GNG7: variants seen among roughly 807,000 people sequenced by gnomAD.
The protein encoded by GNG7 is G protein subunit gamma 7.
Under a neutral mutation model 4.0 loss-of-function variants are expected in GNG7, and 1 was observed. The observed-to-expected ratio is 0.25, with a 90% CI of 0.09 to 1.18. GNG7 has a LOEUF of 1.18. Among genes scored for constraint, GNG7 ranks in the 50% most tolerant of loss-of-function variants. GNG7 has a pLI of 0.50. For synonymous variants in GNG7, 34 were observed against 36.9 expected (o/e 0.92, Z 0.29); for missense variants, 86 against 91.9 (o/e 0.94, Z 0.26).
chr19:2,660,966 C>G (rs1485441137), intron 1 of GNG7, among the ~76,000 whole-genome samples: 1 of 152,028 alleles, frequency 6.6e-6, no homozygotes, highest in African/African-American at 2.4e-5. Flanking sequence ...AATCCCAGTA[C>G]TCTGGGAGGC....
rs1044222883 is a variant in GNG7, at chr19:2,617,203, G to A, written c.-78+29021C>T. 6.6e-6 allele frequency among the ~76,000 whole-genome samples: 1 copy of A among 152,298 alleles called. No homozygotes were observed. The highest frequency in any genetic ancestry group is 1.5e-5 in the Non-Finnish European group (1 of 68,006). ...CTGACCCCCACCCACTCCATGCCAG[G>A]AGCATCTCCAGTCGTGACAACCACA... On this transcript the variant is annotated intron_variant, in intron 2 of 4. Transcript: ENST00000382159. The surrounding 1 kb of genome is among the most constrained non-coding windows in gnomAD (Gnocchi z 4.7).
At chr19:2,545,015 T>C (rs528264988) in intron 3 of GNG7, among the ~76,000 whole-genome samples, 3 of 152,274 alleles carry the variant, frequency 2.0e-5, no homozygotes, top group South Asian at 2.1e-4. Flanking sequence ...GGGATTCACC[T>C]CCTCTCTCCC....
intron 2 of GNG7, among the ~76,000 whole-genome samples, chr19:2,606,081 C>T (rs922132334): frequency 2.6e-5 from 4 of 152,138 alleles, no homozygotes; most frequent in Non-Finnish European, 5.9e-5. Flanking sequence ...GCAAGCAAGC[C>T]GCTTTTAAGA....
At chr19:2,536,780 C>T (rs764305174) in intron 3 of GNG7, among the ~76,000 whole-genome samples, 9 of 152,110 alleles carry the variant, frequency 5.9e-5, no homozygotes, top group Admixed American at 2.0e-4. Context: ...CTGTGCTCCA[C>T]GACACCCTAG....
intron 2 of GNG7, among the ~76,000 whole-genome samples, chr19:2,644,711 G>A (rs1982619665): frequency 6.6e-6 from 1 of 152,098 alleles, no homozygotes; most frequent in Admixed American, 6.6e-5. Flanking sequence ...GTAGAAAGGG[G>A]ATCACATGCT....
At chr19:2,581,474 G>T (rs1422457595) in intron 2 of GNG7, among the ~76,000 whole-genome samples, 1 of 152,054 alleles carries the variant, frequency 6.6e-6, no homozygotes, top group Non-Finnish European at 1.5e-5. Context: ...TGAGGCTGTG[G>T]GGTGGGATGT....
intron 2 of GNG7, among the ~76,000 whole-genome samples, chr19:2,590,500 T>A (rs1000187057): frequency 6.6e-6 from 1 of 151,590 alleles, no homozygotes; most frequent in Non-Finnish European, 1.5e-5. Context: ...CATCCATCCA[T>A]CCATCCATCC....
chr19:2,696,338 G>GAAAGAAAGAAAGA (rs1913258685), intron 1 of GNG7, among the ~76,000 whole-genome samples: 1 of 122,990 alleles, frequency 8.1e-6, no homozygotes, highest in Non-Finnish European at 1.8e-5. Flanking sequence ...AAGAAAGAAA[G>GAAAGAAAGAAAGA]AAAGAAAGAA....
intron 1 of GNG7, among the ~76,000 whole-genome samples, chr19:2,659,504 C>T (rs1399314953): frequency 1.4e-5 from 2 of 146,348 alleles, no homozygotes; most frequent in Non-Finnish European, 3.0e-5. Flanking sequence ...GCAGGAGAAT[C>T]GCTTGGACCT....
intron 1 of GNG7, among the ~76,000 whole-genome samples, chr19:2,667,039 T>C (rs1983327350): frequency 1.3e-5 from 2 of 151,948 alleles, no homozygotes; most frequent in African/African-American, 4.8e-5. Flanking sequence ...CACACACTCA[T>C]CCGGGCGCGG....
intron 2 of GNG7, among the ~76,000 whole-genome samples, chr19:2,593,742 T>TAAAAA (rs753627960): frequency 7.4e-5 from 10 of 135,086 alleles, no homozygotes; most frequent in African/African-American, 2.4e-4. Flanking sequence ...AGACTCCATC[T>TAAAAA]AAAAAAAAAA....
At chr19:2,608,312 C>G (rs1205612563) in intron 2 of GNG7, among the ~76,000 whole-genome samples, 1 of 143,152 alleles carries the variant, frequency 7.0e-6, no homozygotes, top group Non-Finnish European at 1.6e-5. Flanking sequence ...GGATTTGCCC[C>G]TGGGAAAAAA....
chr19:2,563,930 T>C (rs1040283590), intron 2 of GNG7, among the ~76,000 whole-genome samples: 2 of 152,038 alleles, frequency 1.3e-5, no homozygotes, highest in Admixed American at 1.3e-4. Context: ...CACAGCAGCA[T>C]TGCAAATCAA....
At chr19:2,580,834 G>A (rs781300147) in intron 2 of GNG7, among the ~76,000 whole-genome samples, 6 of 151,538 alleles carry the variant, frequency 4.0e-5, no homozygotes, top group East Asian at 2.0e-4. Flanking sequence ...GTGCAATCAC[G>A]GCTCACTGCA....
intron 1 of GNG7, among the ~76,000 whole-genome samples, chr19:2,655,859 A>AAAAAAAAAAAATATATATATAT (rs1568275808): frequency 7.5e-6 from 1 of 133,692 alleles, no homozygotes; most frequent in African/African-American, 3.3e-5. Flanking sequence ...AAAAAAAAAA[A>AAAAAAAAAAAATATATATATAT]ATACATATAT....
rs71337152 is a variant in GNG7 at position 2,584,287 on chromosome 19, T to TAAA, written c.-77-29102_-77-29100dup. Among the ~76,000 whole-genome samples the TAAA allele has an allele frequency of 1.7e-3, 183 of 107,482 alleles. 3 individuals are homozygous for TAAA. The highest frequency in any genetic ancestry group is 3.9e-3 in the East Asian group (13 of 3,364). The allele number at this position is 107,482 out of a possible 152,430, so 70.5% of individuals were successfully genotyped here. On this transcript the variant is annotated intron_variant, in intron 2 of 4. Transcript: ENST00000382159. ...GGGAGACCCTATCTCCGCAAAGAAT[T>TAAA]AAAAAAAAAAAAAAAAAGCGATGGC...
At chr19:2,566,704 G>A (rs551040823) in intron 2 of GNG7, among the ~76,000 whole-genome samples, 1 of 152,280 alleles carries the variant, frequency 6.6e-6, no homozygotes, top group Non-Finnish European at 1.5e-5. Context: ...TGGGTCAGAT[G>A]GTCTCTGTTG....
intron 2 of GNG7, among the ~76,000 whole-genome samples, chr19:2,603,333 A>G (rs965724549): frequency 7.9e-5 from 12 of 152,294 alleles, no homozygotes; most frequent in Admixed American, 2.0e-4. Context: ...CCAAAGTGCT[A>G]GGATTACAGG....
chr19:2,627,637 C>T (rs12462730), intron 2 of GNG7, among the ~76,000 whole-genome samples: 17,910 of 152,272 alleles, frequency 0.12, 1,647 homozygotes, highest in East Asian at 0.49. Context: ...TCATTACGAG[C>T]AAAGCTCTGA....
Sources: gnomAD v4.1 joint callset for allele counts (sites outside exome capture counted in the v4.1 genomes callset) on GRCh38, gnomAD v4.1.1 for gene constraint, Gnocchi (gnomAD v3.1) non-coding constraint, MANE v1.5 for transcripts, NCBI Gene and HGNC (gene_info 2026-07-23, HGNC 2026-07-21) for gene names.